CACTIN: variants seen among roughly 807,000 people sequenced by gnomAD.
CACTIN encodes cactin, spliceosome C complex subunit.
Under a neutral mutation model 84.9 loss-of-function variants are expected in CACTIN, and 20 were observed. The ratio of observed to expected loss-of-function variants is 0.24; its 90% CI spans 0.17 to 0.34. CACTIN has a LOEUF of 0.34. Among genes scored for constraint, CACTIN ranks in the 10% least tolerant of loss-of-function variants. The probability of loss-of-function intolerance (pLI) is 1.00; values close to 1 mark genes in which losing one functional copy is unlikely to be tolerated. For synonymous variants in CACTIN, 549 were observed against 467.9 expected (o/e 1.17, Z -2.24); for missense variants, 897 against 1,117.2 (o/e 0.80, Z 2.81).
Position 3,611,313 on chromosome 19 carries a change from C to G in CACTIN, c.*610G>C, listed in dbSNP as rs2032944016. The G allele has an allele frequency of 4.4e-6, 2 of 455,162 alleles. No homozygotes were observed. The highest frequency in any genetic ancestry group is 4.4e-6 in the Non-Finnish European group (1 of 226,626). The allele number at this position is 455,162 out of a possible 1,614,324, so 28.2% of individuals were successfully genotyped here. The stretch of plus-strand genomic sequence containing the variant: ...CAGAGTGTGGGTGTCCACAGAGGGT[C>G]TCTTCTGCAGTGGCGGATCGGGCGC... On this transcript the variant is annotated 3_prime_UTR_variant, in exon 10 of 10. Transcript: ENST00000429344.
In CACTIN at chr19:3,610,717, AT is replaced by A. The variant is rs1568288873; in HGVS notation, c.*1205del. 2.2e-6 allele frequency: 1 copy of A among 456,640 alleles called. No individual in the cohort carries two copies. Among genetic ancestry groups the A allele is most frequent in the Non-Finnish European group, 4.4e-6 (1 of 226,964 alleles). 28.3% of individuals were successfully genotyped at this position (456,640 alleles called of 1,614,324 possible). ...TAGGCCAATTCCATGAGAACAAAAG[AT>A]TTTTTTTCCCACCTACAAGTCTTTT... On this transcript the variant is annotated 3_prime_UTR_variant, in exon 10 of 10. Transcript: ENST00000429344.
At chr19:3,619,465 C>T (rs982548007) in intron 4 of CACTIN, among the ~76,000 whole-genome samples, 3 of 152,132 alleles carry the variant, frequency 2.0e-5, no homozygotes, top group Middle Eastern at 3.2e-3. Flanking sequence ...GTGCAAGCAG[C>T]GTGGACCCGG....
rs147909265 is a variant in CACTIN, at chr19:3,611,632, C to T, written c.*291G>A. 1.2e-3 allele frequency: 562 copies of T among 449,756 alleles called. 2 individuals are homozygous for T. The highest frequency in any genetic ancestry group is 9.0e-3 in the African/African-American group (450 of 50,170). 27.9% of individuals were successfully genotyped at this position (449,756 alleles called of 1,614,324 possible). A position where few individuals can be genotyped will look rare whatever the true frequency, so the allele number is the denominator to read the frequency against. ...CCGCCTGGACGGTGAGGTCAGCTGG[C>T]GGCTGCTGGCCACCCTCGTGCTCGA... On this transcript the variant is annotated 3_prime_UTR_variant, in exon 10 of 10. Transcript: ENST00000429344.
At position 3,624,043 on chromosome 19, in the gene CACTIN, C is replaced by T. The variant is rs538539255; in HGVS notation, c.287G>A (p.Arg96Gln). The change falls in exon 2 of 10, where the codon CGG becomes CAG. Residue 96 changes from arginine to glutamine, a missense_variant. Transcript: ENST00000429344. ...SQSDSGEEQSRGQWARRRRRA... is the reference protein window; with the variant it reads ...SQSDSGEEQSQGQWARRRRRA... Reference sequence around the variant, plus strand: ...CCGTCGCCGGCGAGCCCACTGGCCCCGTGACTGCTCCTCTCCTGAGTCCGA... The same window carrying T: ...CCGTCGCCGGCGAGCCCACTGGCCCTGTGACTGCTCCTCTCCTGAGTCCGA... 28 of 1,605,214 alleles carry T rather than the reference C, an allele frequency of 1.7e-5. No individual in the cohort carries two copies. The highest frequency in any genetic ancestry group is 1.5e-4 in the African/African-American group (11 of 75,060).
intron 4 of CACTIN, 47 bp from the exon 5 acceptor site, chr19:3,619,289 C>G: frequency 6.3e-7 from 1 of 1,590,150 alleles, no homozygotes; most frequent in Non-Finnish European, 8.5e-7. Context: ...GCTGTGCCCT[C>G]CATGCTAAAG....
chr19:3,623,590 G>T (rs1489834191), intron 2 of CACTIN, 98 bp downstream of exon 2: 2 of 1,111,440 alleles, frequency 1.8e-6, no homozygotes, highest in Admixed American at 2.5e-5. Context: ...ACCAACTCTT[G>T]CACGATCAAG....
At position 3,613,279 on chromosome 19, in the gene CACTIN, G is replaced by C; in HGVS notation, c.1565C>G (p.Pro522Arg). Residue 522 changes from proline (P) to arginine (R), a missense_variant, in exon 9 of 10, where the codon CCG (proline) becomes CGG (arginine). Pro to Arg is a moderately radical substitution (Grantham distance 103, BLOSUM62 -2). Coordinates refer to ENST00000429344, the MANE Select transcript of CACTIN (RefSeq NM_001080543.2). ...PAEAEVDGATPTEGDGDGDGE... is the reference protein window; with the variant it reads ...PAEAEVDGATRTEGDGDGDGE... ...GTCCCCGTCGCCGTCGCCCTCTGTCGGGGTCGCGCCGTCCACCTCGGCCTC... is the reference window on the plus strand; with the variant it reads ...GTCCCCGTCGCCGTCGCCCTCTGTCCGGGTCGCGCCGTCCACCTCGGCCTC... 2 of 1,605,058 alleles carry C rather than the reference G, an allele frequency of 1.2e-6. No homozygotes were observed. Among genetic ancestry groups the C allele is most frequent in the East Asian group, 4.5e-5 (2 of 44,664 alleles).
At chr19:3,622,654 G>A (rs899154396) in intron 2 of CACTIN, among the ~76,000 whole-genome samples, 3 of 151,954 alleles carry the variant, frequency 2.0e-5, no homozygotes, top group Admixed American at 1.3e-4. Context: ...GCCCCCAGAG[G>A]GAGTGGGGTC....
chr19:3,620,597 A>G, intron 3 of CACTIN, 110 bp downstream of exon 3: 1 of 830,886 alleles, frequency 1.2e-6, no homozygotes, highest in South Asian at 1.7e-5. Flanking sequence ...CCTTACCTGA[A>G]GCCAGCCCCC....
rs941425508 is a variant in CACTIN, at chr19:3,620,693, G to A, written c.738+14C>T. 2 of 1,600,312 alleles carry A rather than the reference G, an allele frequency of 1.2e-6. No homozygotes were observed. The highest frequency in any genetic ancestry group is 1.3e-5 in the African/African-American group (1 of 74,762). ...AAGGGAGGGCCCTGCCCAGTGGGCT[G>A]GCAGGGTGCCTACCTTCTGCAGCTC... On this transcript the variant is annotated intron_variant, in intron 3 of 9. Transcript: ENST00000429344.
At chr19:3,624,379 G>A (rs1028892879) in intron 1 of CACTIN, among the ~76,000 whole-genome samples, 5 of 152,240 alleles carry the variant, frequency 3.3e-5, no homozygotes, top group African/African-American at 1.2e-4. Context: ...ACACTAGGCA[G>A]AGGCAGAAGC....
Position 3,611,609 on chromosome 19 carries a change from G to C in CACTIN, c.*314C>G, listed in dbSNP as rs997019849. ...GGCTGAGGGGCGGTGGAGAGTGTCC[G>C]CCTGGACGGTGAGGTCAGCTGGCGG... On this transcript the variant is annotated 3_prime_UTR_variant, in exon 10 of 10. Transcript: ENST00000429344. 2 of 414,444 alleles carry C rather than the reference G, an allele frequency of 4.8e-6. No homozygotes were observed. The highest frequency in any genetic ancestry group is 4.1e-5 in the African/African-American group (2 of 48,874). The allele number at this position is 414,444 out of a possible 1,614,324, so 25.7% of individuals were successfully genotyped here. A position where few individuals can be genotyped will look rare whatever the true frequency, so the allele number is the denominator to read the frequency against.
In CACTIN at chr19:3,623,981, T is replaced by G; in HGVS notation, c.349A>C (p.Ser117Arg). 1 of 1,604,798 alleles carries G rather than the reference T, an allele frequency of 6.2e-7. No individual in the cohort carries two copies. Among genetic ancestry groups the G allele is most frequent in the Non-Finnish European group, 8.5e-7 (1 of 1,178,902 alleles). Reference sequence around the variant, plus strand: ...TGGGATCGCCCTGGAGACGCGGAGCTGGATGCTGAGGAGCTAGGAGACCAC... The same window carrying G: ...TGGGATCGCCCTGGAGACGCGGAGCGGGATGCTGAGGAGCTAGGAGACCAC... ...RSWSPSSSAS[S>R]SASPGRSQSP... Residue 117 changes from serine to arginine, a missense_variant, in exon 2 of 10, where the codon AGC becomes CGC. Ser to Arg is a moderately radical substitution (Grantham distance 110). This residue lies in a region of CACTIN where 261 missense variants were observed against 243.8 expected (regional missense o/e 1.07). Coordinates refer to ENST00000429344, the MANE Select transcript of CACTIN (RefSeq NM_001080543.2).
chr19:3,611,986 G>A lies in CACTIN; in HGVS notation c.2214C>T (p.Cys738=), dbSNP rs758239411. The A allele has an allele frequency of 1.9e-6, 3 of 1,613,584 alleles. No individual in the cohort carries two copies. The highest frequency in any genetic ancestry group is 1.1e-5 in the South Asian group (1 of 91,092). The part of the protein sequence containing the change: ...WEYSHRHGFR[C]QFANGIFQLW... ...GCTGGAAGATGCCGTTGGCAAACTGGCAGCGGAAGCCGTGGCGGTGCGAGT... is the reference window on the plus strand; with the variant it reads ...GCTGGAAGATGCCGTTGGCAAACTGACAGCGGAAGCCGTGGCGGTGCGAGT... The change falls in exon 10 of 10, where the codon TGC becomes TGT. Residue 738 remains cysteine, a synonymous_variant. Coordinates refer to ENST00000429344, the MANE Select transcript of CACTIN (RefSeq NM_001080543.2).
rs756306661 is a variant in CACTIN, at chr19:3,620,853, C to T, written c.643-51G>A. 4 of 1,427,072 alleles carry T rather than the reference C, an allele frequency of 2.8e-6. No homozygotes were observed. In the Admixed American group the frequency reaches 5.2e-5, roughly 18 times the overall value. The allele number at this position is 1,427,072 out of a possible 1,614,324, so 88.4% of individuals were successfully genotyped here. A position where few individuals can be genotyped will look rare whatever the true frequency, so the allele number is the denominator to read the frequency against. On this transcript the variant is annotated intron_variant, in intron 2 of 9. Coordinates refer to ENST00000429344, the MANE Select transcript of CACTIN (RefSeq NM_001080543.2). ...TGAGCACAGACCCGCCCCCTCGCCC[C>T]CCTCCTCAGCTCCTTCGTCCAAGAG...
intron 6 of CACTIN, among the ~76,000 whole-genome samples, chr19:3,617,815 C>A (rs187862976): frequency 6.6e-6 from 1 of 152,334 alleles, no homozygotes; most frequent in African/African-American, 2.4e-5. Flanking sequence ...GGAGAACTGC[C>A]CTGCCTCTCT....
intron 6 of CACTIN, chr19:3,614,857 G>C (rs1182958939): frequency 4.0e-5 from 21 of 525,168 alleles, no homozygotes; most frequent in Non-Finnish European, 1.4e-5. Flanking sequence ...GCGTGGGGGA[G>C]GCCAGGACTG....
chr19:3,620,463 G>A, intron 3 of CACTIN, 191 bp from the exon 4 acceptor site: 2 of 758,438 alleles, frequency 2.6e-6, no homozygotes, highest in Non-Finnish European at 4.5e-6. Flanking sequence ...CAGCAGCTCA[G>A]ATCAGCTGGG....
rs1406274773 is a variant in CACTIN, at chr19:3,613,143, G to C, written c.1701C>G (p.His567Gln). The change falls in exon 9 of 10, where the codon CAC becomes CAG. Residue 567 changes from histidine (H) to glutamine (Q), a missense_variant. His to Gln is a conservative substitution (Grantham distance 24). This residue lies in a region of CACTIN where 243 missense variants were observed against 239.9 expected (regional missense o/e 1.01). Coordinates refer to ENST00000429344, the MANE Select transcript of CACTIN (RefSeq NM_001080543.2). Reference protein sequence around the residue: ...GRYSPRLLTAHELPLDAHVLE... With the variant: ...GRYSPRLLTAQELPLDAHVLE... Reference sequence around the variant, plus strand: ...GCACGTGCGCGTCCAGTGGCAGCTCGTGCGCCGTGAGCAGCCGCGGGCTGT... The same window carrying C: ...GCACGTGCGCGTCCAGTGGCAGCTCCTGCGCCGTGAGCAGCCGCGGGCTGT... The C allele has an allele frequency of 4.4e-6, 7 of 1,607,980 alleles. No individual in the cohort carries two copies. The highest frequency in any genetic ancestry group is 2.2e-5 in the South Asian group (2 of 91,016).
Sources: gnomAD v4.1 joint callset for allele counts (sites outside exome capture counted in the v4.1 genomes callset) on GRCh38, gnomAD v4.1.1 for gene constraint, gnomAD v4.1.1 regional missense constraint, MANE v1.5 for transcripts, NCBI Gene and HGNC (gene_info 2026-07-23, HGNC 2026-07-21) for gene names.